Variants in COL19A1 observed in about 807,000 individuals in gnomAD.
COL19A1 encodes collagen type XIX alpha 1 chain.
A neutral mutation model predicts 190.2 loss-of-function variants in COL19A1; 159 were observed. The observed-to-expected ratio is 0.84, with a 90% CI of 0.73 to 0.95. The LOEUF is 0.95. COL19A1 is among the 40% of genes least tolerant of loss of function. The probability of loss-of-function intolerance (pLI) is 0.00; values close to 1 mark genes in which losing one functional copy is unlikely to be tolerated. For synonymous variants in COL19A1, 509 were observed against 458.9 expected (o/e 1.11, Z -1.39); for missense variants, 1,418 against 1,431.9 (o/e 0.99, Z 0.16).
intron 11 of COL19A1, among the ~76,000 whole-genome samples, chr6:70,018,718 A>G (rs1778254765): frequency 6.6e-6 from 1 of 152,080 alleles, no homozygotes; most frequent in South Asian, 2.1e-4. Flanking sequence ...AAAGATAATT[A>G]AAGGGTGCAT....
At chr6:69,925,566 C>T (rs537746320) in intron 4 of COL19A1, among the ~76,000 whole-genome samples, 475 of 152,170 alleles carry the variant, frequency 3.1e-3, no homozygotes, top group Non-Finnish European at 4.4e-3. Context: ...CTTGGCAATG[C>T]GGGCTCTTTT....
At chr6:69,976,761 AAC>A (rs1775735199) in intron 11 of COL19A1, among the ~76,000 whole-genome samples, 1 of 152,214 alleles carries the variant, frequency 6.6e-6, no homozygotes, top group Admixed American at 6.5e-5. Flanking sequence ...CAGAGAAAAA[AAC>A]AAAAGGACTT....
At chr6:69,878,288 A>G (rs935774666) in intron 1 of COL19A1, among the ~76,000 whole-genome samples, 1 of 151,774 alleles carries the variant, frequency 6.6e-6, no homozygotes, top group African/African-American at 2.4e-5. Flanking sequence ...ATCTCAGCTC[A>G]CTGCAACCTC....
chr6:70,000,763 A>G lies in COL19A1; in HGVS notation c.1027-22864A>G, dbSNP rs182320391. On this transcript the variant is annotated intron_variant, in intron 11 of 50. Coordinates refer to ENST00000620364, the MANE Select transcript of COL19A1 (RefSeq NM_001858.6). ...TGTTTAAGTTCATTGTAAATTCTGGATATTAGACCTTTGTCACATGGGTAG... is the reference window on the plus strand; with the variant it reads ...TGTTTAAGTTCATTGTAAATTCTGGGTATTAGACCTTTGTCACATGGGTAG... Among the ~76,000 whole-genome samples the G allele has an allele frequency of 8.7e-3, 1,318 of 152,092 alleles. 19 individuals are homozygous for G. Among genetic ancestry groups the G allele is most frequent in the African/African-American group, 0.03 (1,230 of 41,462 alleles).
chr6:70,030,755 G>C (rs1470516768), intron 12 of COL19A1, among the ~76,000 whole-genome samples: 1 of 152,068 alleles, frequency 6.6e-6, no homozygotes, highest in Non-Finnish European at 1.5e-5. Context: ...AGTTACTTAA[G>C]TCAAATGCAA....
At chr6:69,905,465 T>C (rs1178872655) in intron 4 of COL19A1, among the ~76,000 whole-genome samples, 1 of 152,166 alleles carries the variant, frequency 6.6e-6, no homozygotes, top group Admixed American at 6.5e-5. Flanking sequence ...AGCTGAGCCG[T>C]GTCCTGGCTC....
chr6:69,979,906 G>C (rs1040626841), intron 11 of COL19A1, among the ~76,000 whole-genome samples: 2 of 151,516 alleles, frequency 1.3e-5, no homozygotes, highest in African/African-American at 4.8e-5. Flanking sequence ...AAAATCAAAG[G>C]GCGTAAAATA....
At chr6:70,166,437 A>C (rs1385975031) in intron 37 of COL19A1, among the ~76,000 whole-genome samples, 2 of 152,272 alleles carry the variant, frequency 1.3e-5, no homozygotes, top group Non-Finnish European at 2.9e-5. Flanking sequence ...TGTAGCTCTT[A>C]GTGAACAAAA....
intron 23 of COL19A1, among the ~76,000 whole-genome samples, chr6:70,143,945 G>A (rs1786434622): frequency 6.6e-6 from 1 of 151,884 alleles, no homozygotes; most frequent in African/African-American, 2.4e-5. Flanking sequence ...ATCCTTCCTC[G>A]ATGGCAATAA....
intron 2 of COL19A1, among the ~76,000 whole-genome samples, chr6:69,882,137 G>A (rs1011867666): frequency 8.5e-5 from 13 of 152,122 alleles, no homozygotes; most frequent in Non-Finnish European, 1.6e-4. Context: ...CAGATAGATT[G>A]GACCTTTTAA....
chr6:70,034,374 T>G (rs1295589765), intron 13 of COL19A1, 76 bp downstream of exon 13: 44 of 1,043,552 alleles, frequency 4.2e-5, no homozygotes, highest in Non-Finnish European at 5.9e-5. Context: ...TTCTCATTGA[T>G]ACTGTTTATC....
chr6:70,179,213 C>T (rs1240996644), intron 42 of COL19A1, among the ~76,000 whole-genome samples: 1 of 152,154 alleles, frequency 6.6e-6, no homozygotes, highest in Non-Finnish European at 1.5e-5. Context: ...GGAGGGATCT[C>T]CTTCCGGAAT....
chr6:69,878,018 A>G (rs530163197), intron 1 of COL19A1, among the ~76,000 whole-genome samples: 1 of 151,922 alleles, frequency 6.6e-6, no homozygotes, highest in East Asian at 1.9e-4. Context: ...CTCCAAAATA[A>G]ATAAATAAAT....
intron 14 of COL19A1, among the ~76,000 whole-genome samples, chr6:70,055,131 T>C (rs1780418368): frequency 6.6e-6 from 1 of 152,160 alleles, no homozygotes; most frequent in Non-Finnish European, 1.5e-5. Flanking sequence ...AGACCTAAAT[T>C]CACTCATCAT....
intron 11 of COL19A1, among the ~76,000 whole-genome samples, chr6:69,988,931 T>C (rs775850549): frequency 6.6e-6 from 1 of 152,180 alleles, no homozygotes. Flanking sequence ...CTGCATTTGC[T>C]CTTTTCTATT....
intron 4 of COL19A1, among the ~76,000 whole-genome samples, chr6:69,921,135 ATATATATCACATATGTATCACG>A (rs1464879203): frequency 1.6e-5 from 2 of 121,482 alleles, no homozygotes; most frequent in Non-Finnish European, 3.2e-5. Context: ...TATGTATCAC[ATATATATCACATATGTATCACG>A]TATATATTCA....
At chr6:70,175,025 G>A (rs1583089694) in intron 41 of COL19A1, among the ~76,000 whole-genome samples, 1 of 152,168 alleles carries the variant, frequency 6.6e-6, no homozygotes, top group Non-Finnish European at 1.5e-5. Flanking sequence ...AGAGGCATGA[G>A]ACATGCAAAT....
chr6:70,119,484 G>C (rs1784760293), intron 16 of COL19A1, among the ~76,000 whole-genome samples: 1 of 152,152 alleles, frequency 6.6e-6, no homozygotes, highest in African/African-American at 2.4e-5. Context: ...ACATAGAAGA[G>C]TGATCACCCA....
intron 14 of COL19A1, chr6:70,059,929 A>C (rs1780725623): frequency 3.0e-6 from 1 of 338,868 alleles, no homozygotes; most frequent in African/African-American, 2.2e-5. Flanking sequence ...TTGAAGAAGA[A>C]AAAAAATCCA....
Sources: gnomAD v4.1 joint callset for allele counts (sites outside exome capture counted in the v4.1 genomes callset) on GRCh38, gnomAD v4.1.1 for gene constraint, MANE v1.5 for transcripts, NCBI Gene and HGNC (gene_info 2026-07-23, HGNC 2026-07-21) for gene names.